MAP1A: variants seen among roughly 807,000 people sequenced by gnomAD.
MAP1A encodes microtubule-associated protein 1A.
A neutral mutation model predicts 185.9 loss-of-function variants in MAP1A; 42 were observed. That is an observed-to-expected ratio of 0.23 (90% confidence interval 0.18 to 0.29). The LOEUF is 0.29. MAP1A is among the 10% of genes least tolerant of loss of function. The pLI is 1.00. For synonymous variants in MAP1A, 1,229 were observed against 1,335.9 expected (o/e 0.92, Z 1.74); for missense variants, 2,995 against 3,450.4 (o/e 0.87, Z 3.31).
Position 43,528,058 on chromosome 15 carries a change from C to G in MAP1A, c.6585C>G (p.Ala2195=). 2 of 1,614,078 alleles carry G rather than the reference C, an allele frequency of 1.2e-6. No homozygotes were observed. Among genetic ancestry groups the G allele is most frequent in the Non-Finnish European group, 1.7e-6 (2 of 1,180,030 alleles). Residue 2195 remains alanine (A), a synonymous_variant, in exon 4 of 6, where the codon GCC becomes GCG. Coordinates refer to ENST00000300231, the MANE Select transcript of MAP1A (RefSeq NM_002373.6). ...EPRSAPCGSL[A]FSGDRALALA... ...GCTCGGCACCCTGTGGCTCCCTTGC[C>G]TTCTCTGGGGATCGAGCTCTGGCTC...
rs750894987 is a variant in MAP1A, at chr15:43,511,200, G to A, written c.212G>A (p.Arg71Lys). The stretch of plus-strand genomic sequence containing the variant: ...GATATCGGTACAGAGAGTCAGCTGA[G>A]GGCCGTGCGGGCCCACCTTGAACAA... The change falls in exon 1 of 7, where the codon AGG (arginine) becomes AAG (lysine). Residue 71 changes from arginine to lysine, a missense_variant. Physicochemically the swap from Arg to Lys is conservative, Grantham distance 26. Coordinates refer to the MAP1A transcript ENST00000382031. 9 of 1,550,402 alleles carry A rather than the reference G, an allele frequency of 5.8e-6. No homozygotes were observed. The African/African-American group carries it at 1.2e-4, about 21-fold the overall frequency.
Position 43,511,646 on chromosome 15 carries a change from C to T in MAP1A, c.238+420C>T, listed in dbSNP as rs564595783. Among the ~76,000 whole-genome samples the T allele has an allele frequency of 2.6e-5, 4 of 152,346 alleles. No individual in the cohort carries two copies. The South Asian group carries it at 8.3e-4, about 32-fold the overall frequency. ...AACGCCCCGTACAAATCTCAAATCT[C>T]TGAATGCCAGTAGCCAACCACTAAG... On this transcript the variant is annotated intron_variant, in intron 1 of 6. Coordinates refer to the MAP1A transcript ENST00000382031.
At chr15:43,518,708 A>ACCCCCCCCCCC (rs34711237) in intron 1 of MAP1A, among the ~76,000 whole-genome samples, 2 of 83,632 alleles carry the variant, frequency 2.4e-5, no homozygotes, top group Non-Finnish European at 5.1e-5. Context: ...ACCGCAGCCC[A>ACCCCCCCCCCC]CCCCCCCCCG....
rs754680991 is a variant in MAP1A at position 43,525,226 on chromosome 15, T to G, written c.3753T>G (p.Ala1251=). Residue 1251 remains alanine (A), a synonymous_variant, in exon 4 of 6, where the codon GCT becomes GCG. Transcript: ENST00000300231. ...CCGAGGATACCTCTCACCACACAGCTCCCATGTCTGTTCCAGAGCCCCATG... is the reference window on the plus strand; with the variant it reads ...CCGAGGATACCTCTCACCACACAGCGCCCATGTCTGTTCCAGAGCCCCATG... ...MQAEDTSHHT[A]PMSVPEPHAA... is the part of the protein sequence containing the mutation. 1.2e-5 allele frequency: 19 copies of G among 1,613,916 alleles called. No homozygotes were observed. In the African/African-American group the frequency reaches 2.1e-4, roughly 18 times the overall value.
At position 43,523,814 on chromosome 15, in the gene MAP1A, G is replaced by A; in HGVS notation, c.2341G>A (p.Ala781Thr). 3 of 1,614,074 alleles carry A rather than the reference G, an allele frequency of 1.9e-6. No homozygotes were observed. Among genetic ancestry groups the A allele is most frequent in the Admixed American group, 3.3e-5 (2 of 60,024 alleles). Residue 781 changes from alanine to threonine, a missense_variant, in exon 4 of 6, where the codon GCT (alanine) becomes ACT (threonine). Transcript: ENST00000300231. The stretch of plus-strand genomic sequence containing the variant: ...ATATGACCTGCCCGGGCCTGAAGGT[G>A]CTGGCCCATTCGAAGCCAGCCAACC... The part of the protein sequence containing the change: ...STYDLPGPEG[A>T]GPFEASQPAD...
chr15:43,525,216 A>G lies in MAP1A; in HGVS notation c.3743A>G (p.His1248Arg). ...GHLMQAEDTS[H>R]HTAPMSVPEP... ...CTGATGCAGGCCGAGGATACCTCTC[A>G]CCACACAGCTCCCATGTCTGTTCCA... The change falls in exon 4 of 6, where the codon CAC (histidine) becomes CGC (arginine). Residue 1248 changes from histidine (H) to arginine (R), a missense_variant. His to Arg is a conservative substitution (Grantham distance 29). Around this residue, in one of 3 missense-constraint regions of MAP1A, gnomAD observed 2,728 missense variants for 2,986.0 expected, o/e 0.91. Transcript: ENST00000300231. 1.2e-6 allele frequency: 2 copies of G among 1,614,090 alleles called. No individual in the cohort carries two copies. The highest frequency in any genetic ancestry group is 8.5e-7 in the Non-Finnish European group (1 of 1,180,002).
At position 43,523,511 on chromosome 15, in the gene MAP1A, T is replaced by G; in HGVS notation, c.2038T>G (p.Phe680Val). Residue 680 changes from phenylalanine (F) to valine (V), a missense_variant, in exon 4 of 6, where the codon TTT (phenylalanine) becomes GTT (valine). This residue lies in a region of MAP1A where 2,728 missense variants were observed against 2,986.0 expected (regional missense o/e 0.91). Transcript: ENST00000300231. Reference sequence around the variant, plus strand: ...AGAGGACGCGACAAAAGCTGAGGGTTTTTACCAAAAACATATGCAGGAACC... The same window carrying G: ...AGAGGACGCGACAAAAGCTGAGGGTGTTTACCAAAAACATATGCAGGAACC... ...EEEDATKAEGFYQKHMQEPLK... is the reference protein window; with the variant it reads ...EEEDATKAEGVYQKHMQEPLK... The G allele has an allele frequency of 6.2e-7, 1 of 1,613,882 alleles. No homozygotes were observed. Among genetic ancestry groups the G allele is most frequent in the Non-Finnish European group, 8.5e-7 (1 of 1,179,932 alleles).
Position 43,526,668 on chromosome 15 carries a change from A to AG in MAP1A, c.5198dup (p.Asp1735ArgfsTer2). ...GAACGGGAAAGCACTTTCCTAGATGAGGGCCCAGATGATGAGCAAGAAGTA... is the reference window on the plus strand; with the variant it reads ...GAACGGGAAAGCACTTTCCTAGATGAGGGGCCCAGATGATGAGCAAGAAGTA... On this transcript the variant is annotated frameshift_variant, in exon 4 of 6. Transcript: ENST00000300231. LOFTEE classifies it high-confidence loss of function. The surrounding 1 kb of genome is among the most constrained non-coding windows in gnomAD (Gnocchi z 4.7). 1 of 1,613,972 alleles carries AG rather than the reference A, an allele frequency of 6.2e-7. No individual in the cohort carries two copies. The highest frequency in any genetic ancestry group is 8.5e-7 in the Non-Finnish European group (1 of 1,180,002).
Position 43,530,360 on chromosome 15 carries a change from T to C in MAP1A, c.*136T>C. 9.2e-7 allele frequency: 1 copy of C among 1,089,584 alleles called. No homozygotes were observed. The highest frequency in any genetic ancestry group is 1.3e-6 in the Non-Finnish European group (1 of 770,736). 67.5% of individuals were successfully genotyped at this position (1,089,584 alleles called of 1,614,324 possible). On this transcript the variant is annotated 3_prime_UTR_variant, in exon 6 of 6. Transcript: ENST00000300231. The stretch of plus-strand genomic sequence containing the variant: ...GATGTCTTGTTGTGGGGACTTGGGC[T>C]GGGCTAAATGGGAGGGGTTGTCCCT...
chr15:43,512,342 G>A (rs1177280425), intron 2 of MAP1A: 1 of 1,316,720 alleles, frequency 7.6e-7, no homozygotes, highest in Non-Finnish European at 1.1e-6. Context: ...TGGTCACAGA[G>A]GTCCAGTCTC....
chr15:43,526,201 C>T lies in MAP1A; in HGVS notation c.4728C>T (p.His1576=). 6.2e-7 allele frequency: 1 copy of T among 1,613,636 alleles called. No individual in the cohort carries two copies. The highest frequency in any genetic ancestry group is 8.5e-7 in the Non-Finnish European group (1 of 1,179,936). The change falls in exon 4 of 6, where the codon CAC becomes CAT. Residue 1576 remains histidine (H), a synonymous_variant. Transcript: ENST00000300231. This position sits in a 1 kb window ranked among gnomAD's most constrained non-coding sequence, Gnocchi z 4.7. ...EQNIQALEEN[H]QTQEQESLVQ... ...ACATTCAGGCTCTGGAAGAGAACCACCAAACTCAGGAGCAGGAGAGCCTAG... is the reference window on the plus strand; with the variant it reads ...ACATTCAGGCTCTGGAAGAGAACCATCAAACTCAGGAGCAGGAGAGCCTAG...
At chr15:43,512,196 T>C in exon 2 of MAP1A, 1 of 1,541,876 alleles carries the variant, frequency 6.5e-7, no homozygotes, top group Non-Finnish European at 8.8e-7. Context: ...ACAGGGATTC[T>C]CTCCTGGAAC....
Position 43,529,869 on chromosome 15 carries a change from A to C in MAP1A, c.8255A>C (p.Gln2752Pro). The stretch of plus-strand genomic sequence containing the variant: ...AAGGCCCAGTGGGGGGAGAATCTTC[A>C]GGTGAGTAGCAAAGGACACCAAGGA... ...EGKAQWGENL[Q>P]VTLIPTHDTE... The change falls in exon 5 of 6, where the codon CAG becomes CCG. Residue 2752 changes from glutamine (Q) to proline (P), a missense_variant and splice_region_variant. Physicochemically the swap from Gln to Pro is moderately conservative, Grantham distance 76 (BLOSUM62 -1). This residue lies in a region of MAP1A where 2,728 missense variants were observed against 2,986.0 expected (regional missense o/e 0.91). Transcript: ENST00000300231. This position sits in a 1 kb window ranked among gnomAD's most constrained non-coding sequence, Gnocchi z 4.3. 1 of 1,613,020 alleles carries C rather than the reference A, an allele frequency of 6.2e-7. No homozygotes were observed. The highest frequency in any genetic ancestry group is 8.5e-7 in the Non-Finnish European group (1 of 1,179,956).
chr15:43,526,041 T>A lies in MAP1A; in HGVS notation c.4568T>A (p.Leu1523Gln). ...GTCGCTGAAATGAAGGACAGAGACC[T>A]AGAACAGACAGACAAAGCCCCTGAA... Reference protein sequence around the residue: ...DTVAEMKDRDLEQTDKAPEQK... With the variant: ...DTVAEMKDRDQEQTDKAPEQK... Residue 1523 changes from leucine (L) to glutamine (Q), a missense_variant, in exon 4 of 6, where the codon CTA becomes CAA. Physicochemically the swap from Leu to Gln is moderately radical, Grantham distance 113 (BLOSUM62 -2). Coordinates refer to ENST00000300231, the MANE Select transcript of MAP1A (RefSeq NM_002373.6). This position sits in a 1 kb window ranked among gnomAD's most constrained non-coding sequence, Gnocchi z 4.7. The A allele has an allele frequency of 6.2e-7, 1 of 1,613,750 alleles. No homozygotes were observed. The highest frequency in any genetic ancestry group is 8.5e-7 in the Non-Finnish European group (1 of 1,179,970).
At chr15:43,520,943 C>T in intron 2 of MAP1A, 29 bp from the exon 3 acceptor site, 1 of 1,544,424 alleles carries the variant, frequency 6.5e-7, no homozygotes, top group Non-Finnish European at 8.8e-7. Context: ...TTTCCTATAT[C>T]TGTGACCACT....
Position 43,527,933 on chromosome 15 carries a change from C to G in MAP1A, c.6460C>G (p.Leu2154Val). Residue 2154 changes from leucine to valine, a missense_variant, in exon 4 of 6, where the codon CTG (leucine) becomes GTG (valine). Leu to Val is a conservative substitution (Grantham distance 32). This residue lies in a region of MAP1A where 2,728 missense variants were observed against 2,986.0 expected (regional missense o/e 0.91). Coordinates refer to ENST00000300231, the MANE Select transcript of MAP1A (RefSeq NM_002373.6). Reference sequence around the variant, plus strand: ...TGTTAGCCCTCCCTTGGACTCACACCTGGGGCCTGCCCGACCCAGTCTGGA... The same window carrying G: ...TGTTAGCCCTCCCTTGGACTCACACGTGGGGCCTGCCCGACCCAGTCTGGA... Reference protein sequence around the residue: ...AHVSPPLDSHLGPARPSLDFP... With the variant: ...AHVSPPLDSHVGPARPSLDFP... 6.2e-7 allele frequency: 1 copy of G among 1,614,196 alleles called. No homozygotes were observed. The highest frequency in any genetic ancestry group is 8.5e-7 in the Non-Finnish European group (1 of 1,180,038).
In MAP1A at chr15:43,523,660, T is replaced by C; in HGVS notation, c.2187T>C (p.Thr729=). 1 of 1,614,024 alleles carries C rather than the reference T, an allele frequency of 6.2e-7. No individual in the cohort carries two copies. Among genetic ancestry groups the C allele is most frequent in the South Asian group, 1.1e-5 (1 of 91,060 alleles). ...LSSLTTPAGA[T]EHVSYIQDET... ...GCCTGACCACACCTGCAGGAGCCACTGAGCATGTCTCTTACATCCAGGATG... is the reference window on the plus strand; with the variant it reads ...GCCTGACCACACCTGCAGGAGCCACCGAGCATGTCTCTTACATCCAGGATG... Residue 729 remains threonine (T), a synonymous_variant, in exon 4 of 6, where the codon ACT becomes ACC. Transcript: ENST00000300231.
In MAP1A at chr15:43,531,315, A is replaced by C. The variant is rs915229250; in HGVS notation, c.*1091A>C. On this transcript the variant is annotated 3_prime_UTR_variant, in exon 6 of 6. Transcript: ENST00000300231. ...AGCTGAGCCACAGCTTAACTCCTAC[A>C]GAGTGAAATGAAAACGGGCTGAAAA... 5.9e-5 allele frequency: 9 copies of C among 152,858 alleles called. No homozygotes were observed. The highest frequency in any genetic ancestry group is 2.2e-4 in the African/African-American group (9 of 41,576). 9.5% of individuals were successfully genotyped at this position (152,858 alleles called of 1,614,324 possible).
chr15:43,517,580 C>CG, upstream of MAP1A: 1 of 141,728 alleles, frequency 7.1e-6, no homozygotes, highest in Non-Finnish European at 1.6e-5. Flanking sequence ...TCATCAAGCA[C>CG]CCCCCTCCCC....
Sources: gnomAD v4.1 joint callset for allele counts (sites outside exome capture counted in the v4.1 genomes callset) on GRCh38, gnomAD v4.1.1 for gene constraint, gnomAD v4.1.1 regional missense constraint, Gnocchi (gnomAD v3.1) non-coding constraint, MANE v1.5 for transcripts, NCBI Gene and HGNC (gene_info 2026-07-23, HGNC 2026-07-21) for gene names.